MAML2: variants seen among roughly 807,000 people sequenced by gnomAD.
MAML2 encodes the protein mastermind-like protein 2.
Under a neutral mutation model 96.1 loss-of-function variants are expected in MAML2, and 22 were observed. The ratio of observed to expected loss-of-function variants is 0.23; its 90% confidence interval spans 0.16 to 0.33. The LOEUF is 0.33. Ranked by LOEUF, MAML2 falls within the 10% of genes least tolerant of loss-of-function variation. MAML2 has a pLI of 1.00. For missense variants in MAML2, 1,367 were observed against 1,392.4 expected, an observed-to-expected ratio of 0.98 and a Z score of 0.29; for synonymous variants, 561 against 521.3, an observed-to-expected ratio of 1.08 and a Z score of -1.04.
intron 2 of MAML2, among the ~76,000 whole-genome samples, chr11:96,024,854 C>T (rs752977943): frequency 6.6e-6 from 1 of 152,226 alleles, no homozygotes; most frequent in Non-Finnish European, 1.5e-5. Flanking sequence ...ACATGCAGCT[C>T]TGATGCCACC....
At chr11:96,220,288 C>T (rs1003285514) in intron 1 of MAML2, among the ~76,000 whole-genome samples, 5 of 152,108 alleles carry the variant, frequency 3.3e-5, no homozygotes, top group African/African-American at 4.8e-5. Context: ...TTTCTCTGTG[C>T]TCCTTTAAAC....
At chr11:96,106,121 A>G (rs1860017292) in intron 1 of MAML2, among the ~76,000 whole-genome samples, 3 of 152,212 alleles carry the variant, frequency 2.0e-5, no homozygotes, top group Non-Finnish European at 4.4e-5. Context: ...TCTTTGAAGC[A>G]ATGTCCTATA....
chr11:96,120,305 GC>G (rs1421406570), intron 1 of MAML2, among the ~76,000 whole-genome samples: 2 of 152,190 alleles, frequency 1.3e-5, no homozygotes, highest in African/African-American at 4.8e-5. Flanking sequence ...CTGAGTAGAG[GC>G]AGAGAGGCTG....
chr11:96,150,260 C>A (rs1460942019), intron 1 of MAML2, among the ~76,000 whole-genome samples: 2 of 152,168 alleles, frequency 1.3e-5, no homozygotes, highest in Non-Finnish European at 2.9e-5. Context: ...AAAAGATAAT[C>A]CCTGCTCTCA....
chr11:96,141,445 C>A lies in MAML2; in HGVS notation c.514-47928G>T, dbSNP rs1000862897. Among the ~76,000 whole-genome samples the A allele has an allele frequency of 2.6e-5, 4 of 152,156 alleles. No individual in the cohort carries two copies. In the East Asian group the frequency reaches 7.7e-4, roughly 29 times the overall value. ...CTTTATACTACGTAAGAGGCCCCAG[C>A]TAGAGCCCCAGTTGTGCTTACCCTG... is the stretch of plus-strand genomic sequence containing the variant. On this transcript the variant is annotated intron_variant, in intron 1 of 4. Coordinates refer to ENST00000524717, the MANE Select transcript of MAML2 (RefSeq NM_032427.4).
chr11:95,982,727 C>T (rs1357614544), intron 4 of MAML2, among the ~76,000 whole-genome samples: 4 of 152,128 alleles, frequency 2.6e-5, no homozygotes, highest in African/African-American at 2.4e-5. Context: ...ATTAAAAAAC[C>T]ATGTTTTAAG....
intron 1 of MAML2, among the ~76,000 whole-genome samples, chr11:96,198,858 T>A (rs1861769672): frequency 6.6e-6 from 1 of 152,062 alleles, no homozygotes; most frequent in Non-Finnish European, 1.5e-5. Flanking sequence ...GACTAAGATT[T>A]ACCTGGAAGT....
intron 1 of MAML2, among the ~76,000 whole-genome samples, chr11:96,199,540 G>A (rs200265647): frequency 7.9e-6 from 1 of 126,494 alleles, no homozygotes; most frequent in African/African-American, 3.1e-5. Flanking sequence ...TTTTTTTTTT[G>A]AGCAAGTGAT....
intron 1 of MAML2, among the ~76,000 whole-genome samples, chr11:96,170,187 A>G (rs1230096141): frequency 2.0e-5 from 3 of 152,290 alleles, no homozygotes; most frequent in South Asian, 2.1e-4. Context: ...CTACATTCCA[A>G]TGTCCACTTG....
chr11:96,081,413 C>T (rs916735959), intron 2 of MAML2, among the ~76,000 whole-genome samples: 1 of 152,012 alleles, frequency 6.6e-6, no homozygotes, highest in East Asian at 1.9e-4. Flanking sequence ...TGGAAGATGT[C>T]CATCAAGTTA....
chr11:96,314,853 C>T (rs1048226464), intron 1 of MAML2, among the ~76,000 whole-genome samples: 2 of 152,138 alleles, frequency 1.3e-5, no homozygotes, highest in Non-Finnish European at 2.9e-5. Flanking sequence ...CATCCCAGCC[C>T]CCTGCAATCC....
chr11:96,225,060 G>A (rs1862192534), intron 1 of MAML2, among the ~76,000 whole-genome samples: 1 of 152,150 alleles, frequency 6.6e-6, no homozygotes, highest in African/African-American at 2.4e-5. Flanking sequence ...CAATGTTTAG[G>A]TATTTTAGTG....
intron 1 of MAML2, among the ~76,000 whole-genome samples, chr11:96,200,668 G>A (rs1861807309): frequency 6.6e-6 from 1 of 152,186 alleles, no homozygotes; most frequent in Non-Finnish European, 1.5e-5. Flanking sequence ...TGACTTCTCA[G>A]GAGCTTCTGG....
At chr11:96,117,192 G>A (rs1296151875) in intron 1 of MAML2, among the ~76,000 whole-genome samples, 2 of 151,690 alleles carry the variant, frequency 1.3e-5, no homozygotes, top group African/African-American at 4.8e-5. Context: ...AATAAGGTAC[G>A]GGCACACCAC....
rs180770600 is a variant in MAML2 at position 96,092,545 on chromosome 11, G to A, written c.1486C>T (p.Pro496Ser). Reference protein sequence around the residue: ...GQQTFSPQSSPMPGVAGGSGQ... With the variant: ...GQQTFSPQSSSMPGVAGGSGQ... ...CTGCCGCCAGCTACCCCAGGCATGG[G>A]GGAGCTCTGTGGGCTGAATGTCTGC... Residue 496 changes from proline to serine, a missense_variant, in exon 2 of 5, where the codon CCC (proline) becomes TCC (serine). Transcript: ENST00000524717. The surrounding 1 kb of genome is among the most constrained non-coding windows in gnomAD (Gnocchi z 4.1). 9.4e-5 allele frequency: 150 copies of A among 1,601,686 alleles called. No individual in the cohort carries two copies. The African/African-American group carries it at 1.3e-3, about 14-fold the overall frequency.
chr11:96,129,930 C>T (rs969655809), intron 1 of MAML2, among the ~76,000 whole-genome samples: 16 of 152,224 alleles, frequency 1.1e-4, no homozygotes, highest in African/African-American at 3.4e-4. Flanking sequence ...TTGGATCTAA[C>T]CTTCAGCCAA....
intron 1 of MAML2, among the ~76,000 whole-genome samples, chr11:96,193,093 G>A (rs1368972883): frequency 6.6e-6 from 1 of 152,250 alleles, no homozygotes; most frequent in Non-Finnish European, 1.5e-5. Flanking sequence ...TTGGGGCCGG[G>A]TGCGGTGGCT....
chr11:96,321,606 T>C (rs1340480102), intron 1 of MAML2, among the ~76,000 whole-genome samples: 1 of 152,188 alleles, frequency 6.6e-6, no homozygotes, highest in Non-Finnish European at 1.5e-5. Context: ...ATGGGACTAG[T>C]AGAGTCTACA....
At chr11:96,112,830 T>A (rs1005147695) in intron 1 of MAML2, among the ~76,000 whole-genome samples, 11 of 152,284 alleles carry the variant, frequency 7.2e-5, no homozygotes, top group African/African-American at 1.9e-4. Context: ...GTGGCTTAAT[T>A]GAAAGTGTTT....
Sources: gnomAD v4.1 joint callset for allele counts (sites outside exome capture counted in the v4.1 genomes callset) on GRCh38, gnomAD v4.1.1 for gene constraint, Gnocchi (gnomAD v3.1) non-coding constraint, MANE v1.5 for transcripts, NCBI Gene and HGNC (gene_info 2026-07-23, HGNC 2026-07-21) for gene names.